SF3B2: variants seen among roughly 807,000 people sequenced by gnomAD.
SF3B2 encodes SAP 145.
In SF3B2, 22 loss-of-function variants were observed where a neutral mutation model predicts 116.3. That is an observed-to-expected ratio of 0.19 (90% CI 0.14 to 0.27). The LOEUF (loss-of-function observed/expected upper bound fraction) is 0.27. Among genes scored for constraint, SF3B2 ranks in the 10% least tolerant of loss-of-function variants. The pLI, the probability that SF3B2 is intolerant of heterozygous loss-of-function variation, is 1.00. For synonymous variants in SF3B2, 406 were observed against 421.6 expected (o/e 0.96, Z 0.45); for missense variants, 767 against 1,151.4 (o/e 0.67, Z 4.83).
chr11:66,055,614 T>G, intron 5 of SF3B2, 29 bp downstream of exon 5: 1 of 1,610,156 alleles, frequency 6.2e-7, no homozygotes, highest in Non-Finnish European at 8.5e-7. Context: ...ACCTTTGACC[T>G]CGTGGTCCAG....
At chr11:66,065,669 C>T (rs1857170102) in intron 19 of SF3B2, 1 of 152,006 alleles carries the variant, frequency 6.6e-6, no homozygotes, top group African/African-American at 2.4e-5. Flanking sequence ...AAATTCTTCT[C>T]TCTTTGTATT....
At chr11:66,060,792 T>G in intron 14 of SF3B2, 61 bp downstream of exon 14, 1 of 1,539,476 alleles carries the variant, frequency 6.5e-7, no homozygotes, top group Non-Finnish European at 8.8e-7. Context: ...TCTAGGGCTT[T>G]TTTTTGTTTG....
In SF3B2 at chr11:66,062,990, T is replaced by A. The variant is rs1857123083; in HGVS notation, c.1978-19T>A. The A allele has an allele frequency of 2.7e-5, 42 of 1,576,806 alleles. No individual in the cohort carries two copies. Among genetic ancestry groups the A allele is most frequent in the Non-Finnish European group, 3.5e-5 (40 of 1,149,230 alleles). On this transcript the variant is annotated intron_variant, in intron 16 of 21. Coordinates refer to ENST00000322535, the MANE Select transcript of SF3B2 (RefSeq NM_006842.3). ...TTTTGCAGCTAAGGAGTGAACTGAT[T>A]GTGCTCACTGTCTTGCAGAGCTGTT... is the stretch of plus-strand genomic sequence containing the variant.
chr11:66,061,397 G>A (rs576698048), intron 14 of SF3B2, among the ~76,000 whole-genome samples: 1 of 152,328 alleles, frequency 6.6e-6, no homozygotes, highest in South Asian at 2.1e-4. Flanking sequence ...TGATGTCATG[G>A]AATTTATGAG....
intron 8 of SF3B2, 50 bp downstream of exon 8, chr11:66,058,200 A>C (rs1327884377): frequency 6.3e-7 from 1 of 1,584,740 alleles, no homozygotes; most frequent in Non-Finnish European, 8.7e-7. Context: ...GGAGAGGCTG[A>C]GCTGAGTCCT....
chr11:66,068,588 T>C (rs776718746), intron 21 of SF3B2, 86 bp from the exon 22 acceptor site: 30 of 1,173,698 alleles, frequency 2.6e-5, no homozygotes, highest in Admixed American at 8.1e-5. Flanking sequence ...CAGACTTCTA[T>C]GTCTATGTCA....
intron 19 of SF3B2, chr11:66,066,661 C>A (rs149561796): frequency 2.4e-4 from 36 of 152,400 alleles, no homozygotes; most frequent in African/African-American, 7.2e-4. Context: ...CTCTACCCAC[C>A]ACCCTGTGAA....
At chr11:66,067,118 T>G (rs1857201409) in intron 19 of SF3B2, 1 of 217,262 alleles carries the variant, frequency 4.6e-6, no homozygotes, top group Admixed American at 5.2e-5. Context: ...TTTTTTTGGT[T>G]GTTTCAGGCA....
At chr11:66,064,153 G>A (rs963658335) in intron 19 of SF3B2, among the ~76,000 whole-genome samples, 4 of 152,252 alleles carry the variant, frequency 2.6e-5, no homozygotes, top group African/African-American at 9.6e-5. Flanking sequence ...TGAATGTGTA[G>A]TGTTGTTAGG....
intron 19 of SF3B2, among the ~76,000 whole-genome samples, chr11:66,064,318 T>G (rs1023601956): frequency 1.7e-4 from 26 of 152,196 alleles, no homozygotes; most frequent in Admixed American, 3.3e-4. Flanking sequence ...AGCTGTTAAG[T>G]TTTTGCTTTG....
chr11:66,054,510 G>A (rs1255257093), intron 3 of SF3B2, among the ~76,000 whole-genome samples: 1 of 151,196 alleles, frequency 6.6e-6, no homozygotes, highest in African/African-American at 2.4e-5. Flanking sequence ...TTGAATACAA[G>A]GAAGACTGAC....
At chr11:66,053,974 A>G (rs1173968747) in intron 3 of SF3B2, 1 of 148,806 alleles carries the variant, frequency 6.7e-6, no homozygotes, top group Non-Finnish European at 1.5e-5. Flanking sequence ...GCCTGCGGTC[A>G]GGAGTTTGAA....
chr11:66,066,598 T>C (rs1042347239), intron 19 of SF3B2: 8 of 152,256 alleles, frequency 5.3e-5, no homozygotes, highest in African/African-American at 1.9e-4. Context: ...TTTGGGGTTC[T>C]TGAGGCAGGA....
chr11:66,065,770 A>C (rs1194135995), intron 19 of SF3B2: 1 of 152,152 alleles, frequency 6.6e-6, no homozygotes, highest in African/African-American at 2.4e-5. Flanking sequence ...ATACAATATA[A>C]TTCTCCTTTC....
rs1483039802 is a variant in SF3B2, at chr11:66,063,427, C to G, written c.2113C>G (p.Arg705Gly). 6.2e-7 allele frequency: 1 copy of G among 1,613,398 alleles called. No individual in the cohort carries two copies. Among genetic ancestry groups the G allele is most frequent in the African/African-American group, 1.3e-5 (1 of 74,844 alleles). ...QTKTEEEEID[R>G]TPWGELEPSD... ...CAAGACTGAGGAAGAAGAGATTGATCGGACCCCTTGGGGGGAACTGGAACC... is the reference window on the plus strand; with the variant it reads ...CAAGACTGAGGAAGAAGAGATTGATGGGACCCCTTGGGGGGAACTGGAACC... Residue 705 changes from arginine to glycine, a missense_variant, in exon 18 of 22, where the codon CGG becomes GGG. Transcript: ENST00000322535.
intron 21 of SF3B2, 59 bp downstream of exon 21, chr11:66,068,392 T>C (rs1857225900): frequency 6.6e-7 from 1 of 1,504,148 alleles, no homozygotes; most frequent in Non-Finnish European, 9.0e-7. Flanking sequence ...CCTGCCGTTT[T>C]CAGTGGCATG....
Position 66,061,971 on chromosome 11 carries a change from C to A in SF3B2, c.1950C>A (p.Ile650=), listed in dbSNP as rs1590715199. 6.2e-7 allele frequency: 1 copy of A among 1,613,484 alleles called. No individual in the cohort carries two copies. The highest frequency in any genetic ancestry group is 2.2e-5 in the East Asian group (1 of 44,864). The stretch of plus-strand genomic sequence containing the variant: ...CCCCATCGTATCCCAACCTGAAAAT[C>A]CCTGGGCTGAACTCGCCCATCCCTG... ...GPPPSYPNLK[I]PGLNSPIPES... is the part of the protein sequence containing the mutation. Residue 650 remains isoleucine, a synonymous_variant, in exon 16 of 22, where the codon ATC becomes ATA. Transcript: ENST00000322535.
Position 66,059,281 on chromosome 11 carries a change from G to A in SF3B2, c.1263G>A (p.Lys421=). 1 of 1,614,062 alleles carries A rather than the reference G, an allele frequency of 6.2e-7. No individual in the cohort carries two copies. The highest frequency in any genetic ancestry group is 8.5e-7 in the Non-Finnish European group (1 of 1,180,012). ...DKLENSAAPK[K]KGFEEEHKDS... The stretch of plus-strand genomic sequence containing the variant: ...TGGAGAACTCTGCAGCCCCCAAGAA[G>A]AAGGGATTTGAAGAGGAGCACAAGG... Residue 421 remains lysine, a synonymous_variant, in exon 11 of 22, where the codon AAG becomes AAA. Coordinates refer to ENST00000322535, the MANE Select transcript of SF3B2 (RefSeq NM_006842.3). The surrounding 1 kb of genome is among the most constrained non-coding windows in gnomAD (Gnocchi z 5.0).
intron 19 of SF3B2, among the ~76,000 whole-genome samples, chr11:66,064,179 C>G (rs918950162): frequency 3.3e-5 from 5 of 152,130 alleles, no homozygotes; most frequent in African/African-American, 1.2e-4. Context: ...ATGAATTGAC[C>G]CCTTTATCAT....
Sources: allele counts gnomAD v4.1 joint callset (sites outside exome capture counted in the v4.1 genomes callset), GRCh38; gene constraint gnomAD v4.1.1; non-coding constraint Gnocchi (gnomAD v3.1); transcripts MANE v1.5; gene names NCBI Gene and HGNC (gene_info 2026-07-23, HGNC 2026-07-21).